The following FAM217B variants were observed in gnomAD, a reference collection of about 807,000 sequenced individuals.
FAM217B encodes the protein protein FAM217B.
For missense variants in FAM217B, 463 were observed against 456.9 expected (o/e 1.01, Z -0.12); for synonymous variants, 163 against 173.0 (o/e 0.94, Z 0.45).
At chr20:59,939,053 C>T (rs551576143), upstream of FAM217B, 6 of 1,548,236 alleles carry the variant, frequency 3.9e-6, no homozygotes, top group South Asian at 4.6e-5. Flanking sequence ...GGATCCAGCT[C>T]TCTTCGCACT....
In FAM217B at chr20:59,945,470, G is replaced by A. The variant is rs1458095664; in HGVS notation, c.*375G>A. 1 of 195,184 alleles carries A rather than the reference G, an allele frequency of 5.1e-6. No homozygotes were observed. Among genetic ancestry groups the A allele is most frequent in the Non-Finnish European group, 1.2e-5 (1 of 84,646 alleles). 12.1% of individuals were successfully genotyped at this position (195,184 alleles called of 1,614,324 possible). On this transcript the variant is annotated 3_prime_UTR_variant, in exon 4 of 4. Coordinates refer to ENST00000360816, the MANE Select transcript of FAM217B (RefSeq NM_022106.3). ...CCTCCCCATTTTCACATGCACGTAA[G>A]TATATGAAATAGTGCAGACTGTTTC...
At position 59,946,970 on chromosome 20, in the gene FAM217B, TA is replaced by T. The variant is rs1309835983; in HGVS notation, c.*1876del. Reference sequence around the variant, plus strand: ...TATGATCCTTTCTCTGCTAGATTTTTATGCAGCTCTCTATGAAGTTTCATGG... The same window carrying T: ...TATGATCCTTTCTCTGCTAGATTTTTTGCAGCTCTCTATGAAGTTTCATGG... On this transcript the variant is annotated 3_prime_UTR_variant, in exon 4 of 4. Transcript: ENST00000360816. The T allele has an allele frequency of 2.4e-5, 4 of 167,124 alleles. No individual in the cohort carries two copies. Among genetic ancestry groups the T allele is most frequent in the Non-Finnish European group, 4.4e-5 (3 of 68,132 alleles). 10.4% of individuals were successfully genotyped at this position (167,124 alleles called of 1,614,324 possible).
At chr20:59,936,017 G>A (rs1445403609), upstream of FAM217B, among the ~76,000 whole-genome samples, 1 of 152,148 alleles carries the variant, frequency 6.6e-6, no homozygotes, top group East Asian at 1.9e-4. Context: ...GTTATTGTGT[G>A]AATATCTTAG....
rs572711657 is a variant in FAM217B at position 59,947,261 on chromosome 20, C to G, written c.*2166C>G. On this transcript the variant is annotated 3_prime_UTR_variant, in exon 4 of 4. Transcript: ENST00000360816. ...GTGGCTCACGCCTGTAATCCCAGCA[C>G]TTTGGGAGGCCGAGGCAGGCGGATC... The G allele has an allele frequency of 6.1e-6, 1 of 164,800 alleles. No homozygotes were observed. The highest frequency in any genetic ancestry group is 6.5e-5 in the Admixed American group (1 of 15,302). 10.2% of individuals were successfully genotyped at this position (164,800 alleles called of 1,614,324 possible).
chr20:59,943,862 A>T, intron 3 of FAM217B, 78 bp from the exon 4 acceptor site: 2 of 1,237,374 alleles, frequency 1.6e-6, no homozygotes, highest in Non-Finnish European at 2.2e-6. Context: ...CAACTAGAAG[A>T]TTCTTTTTGT....
At chr20:59,940,904 C>G (rs976006991) in intron 1 of FAM217B, among the ~76,000 whole-genome samples, 2 of 152,194 alleles carry the variant, frequency 1.3e-5, no homozygotes, top group African/African-American at 4.8e-5. Flanking sequence ...TTCCTGGACT[C>G]CGCGCCAGAG....
chr20:59,936,095 T>C (rs2031534074), upstream of FAM217B, among the ~76,000 whole-genome samples: 1 of 152,246 alleles, frequency 6.6e-6, no homozygotes, highest in South Asian at 2.1e-4. Flanking sequence ...TACAGTCTAT[T>C]GCTTCAAGGC....
upstream of FAM217B, chr20:59,940,018 G>T: frequency 8.8e-7 from 1 of 1,136,828 alleles, no homozygotes; most frequent in Non-Finnish European, 1.1e-6. Flanking sequence ...AGAAGCCGCA[G>T]AGAGTCCACC....
exon 1 of FAM217B, chr20:59,933,820 G>GCCC: frequency 6.6e-6 from 1 of 151,794 alleles, no homozygotes; most frequent in South Asian, 2.1e-4. Flanking sequence ...AGCCAAGGGG[G>GCCC]ACGCTGTGGG....
chr20:59,945,861 T>C lies in FAM217B; in HGVS notation c.*766T>C, dbSNP rs1279303977. 6.0e-6 allele frequency: 1 copy of C among 167,094 alleles called. No individual in the cohort carries two copies. Among genetic ancestry groups the C allele is most frequent in the Non-Finnish European group, 1.5e-5 (1 of 68,132 alleles). The allele number at this position is 167,094 out of a possible 1,614,324, so 10.4% of individuals were successfully genotyped here. On this transcript the variant is annotated 3_prime_UTR_variant, in exon 4 of 4. Transcript: ENST00000360816. ...AAGTCAATGGGCTTAGCATGATTACTGCTGTTTGGTGGGGCTGAGAATGAA... is the reference window on the plus strand; with the variant it reads ...AAGTCAATGGGCTTAGCATGATTACCGCTGTTTGGTGGGGCTGAGAATGAA...
rs1001238542 is a variant in FAM217B at position 59,947,967 on chromosome 20, G to A, written c.*2872G>A. On this transcript the variant is annotated 3_prime_UTR_variant, in exon 4 of 4. Coordinates refer to ENST00000360816, the MANE Select transcript of FAM217B (RefSeq NM_022106.3). ...ATGGGTTATTGTATTTCCGAGAAGTGCCTCTCATTTCTGGGGAGTTGTTTA... is the reference window on the plus strand; with the variant it reads ...ATGGGTTATTGTATTTCCGAGAAGTACCTCTCATTTCTGGGGAGTTGTTTA... 1.2e-5 allele frequency: 2 copies of A among 164,742 alleles called. No homozygotes were observed. The highest frequency in any genetic ancestry group is 4.9e-5 in the African/African-American group (2 of 40,600). 10.2% of individuals were successfully genotyped at this position (164,742 alleles called of 1,614,324 possible). A position where few individuals can be genotyped will look rare whatever the true frequency, so the allele number is the denominator to read the frequency against.
chr20:59,939,890 C>G, upstream of FAM217B: 1 of 1,253,590 alleles, frequency 8.0e-7, no homozygotes, highest in South Asian at 3.8e-5. Context: ...TCCGGGATCC[C>G]AGGGCGCTAG....
rs557228186 is a variant in FAM217B, at chr20:59,944,123, G to A, written c.180G>A (p.Arg60=). 1 of 1,614,094 alleles carries A rather than the reference G, an allele frequency of 6.2e-7. No individual in the cohort carries two copies. The highest frequency in any genetic ancestry group is 8.5e-7 in the Non-Finnish European group (1 of 1,179,996). The change falls in exon 4 of 4, where the codon AGG becomes AGA. Residue 60 remains arginine (R), a synonymous_variant. Coordinates refer to ENST00000360816, the MANE Select transcript of FAM217B (RefSeq NM_022106.3). ...ESISPEARRK[R]NPLGSRCQGA... ...TTTCCCCGGAAGCAAGACGCAAAAG[G>A]AATCCACTCGGTTCCAGGTGTCAGG...
At chr20:59,939,808 T>C (rs1413573888), upstream of FAM217B, 8 of 1,233,538 alleles carry the variant, frequency 6.5e-6, no homozygotes, top group Non-Finnish European at 8.1e-6. Context: ...CCAGGGGGCC[T>C]ACAGGCCCGC....
upstream of FAM217B, chr20:59,940,103 C>T: frequency 4.5e-6 from 2 of 444,114 alleles, no homozygotes; most frequent in Non-Finnish European, 3.9e-6. Flanking sequence ...TCCTCGAGTC[C>T]TTGTCCAGGT....
chr20:59,939,690 C>A, upstream of FAM217B: 1 of 1,418,712 alleles, frequency 7.0e-7, no homozygotes, highest in Admixed American at 3.0e-5. Flanking sequence ...CTTCTGGCGG[C>A]GCTCGGGGGA....
upstream of FAM217B, chr20:59,938,446 GC>G (rs1303516591): frequency 2.6e-5 from 4 of 152,416 alleles, no homozygotes; most frequent in South Asian, 4.1e-4. Flanking sequence ...CTGTTAGAAG[GC>G]TACAGCCGTT....
intron 1 of FAM217B, among the ~76,000 whole-genome samples, chr20:59,934,322 T>C (rs773700900): frequency 2.6e-5 from 4 of 152,224 alleles, no homozygotes; most frequent in Non-Finnish European, 4.4e-5. Context: ...GTTTAACTTA[T>C]GCAGCCAGCG....
At chr20:59,939,489 A>T (rs1267572008), upstream of FAM217B, 1 of 1,612,198 alleles carries the variant, frequency 6.2e-7, no homozygotes, top group Non-Finnish European at 8.5e-7. Context: ...GGTGAACTCC[A>T]GGTCCTGGCT....
Sources: gnomAD v4.1 joint callset for allele counts (sites outside exome capture counted in the v4.1 genomes callset) on GRCh38, gnomAD v4.1.1 for gene constraint, MANE v1.5 for transcripts, NCBI Gene and HGNC (gene_info 2026-07-23, HGNC 2026-07-21) for gene names.